Variants in NRXN3 observed in about 807,000 individuals in gnomAD.
NRXN3 encodes neurexin 3, also known as neurexin III.
In NRXN3, 32 loss-of-function variants were observed where a neutral mutation model predicts 137.6. The ratio of observed to expected loss-of-function variants is 0.23; its 90% confidence interval spans 0.18 to 0.31. The LOEUF (loss-of-function observed/expected upper bound fraction) is 0.31, where lower values mean the gene tolerates loss of function less well. NRXN3 is among the 10% of genes least tolerant of loss of function. The probability of loss-of-function intolerance (pLI) is 1.00; values close to 1 mark genes in which losing one functional copy is unlikely to be tolerated. For missense variants in NRXN3, 1,574 were observed against 2,062.5 expected (o/e 0.76, Z 4.59); for synonymous variants, 798 against 784.5 (o/e 1.02, Z -0.29).
chr14:79,829,019 T>A (rs1178973982), intron 20 of NRXN3, among the ~76,000 whole-genome samples: 2 of 152,138 alleles, frequency 1.3e-5, no homozygotes, highest in Non-Finnish European at 2.9e-5. Context: ...CATTCCTTCT[T>A]CCTCACCATC....
chr14:78,991,118 T>C (rs2099517935), intron 15 of NRXN3, among the ~76,000 whole-genome samples: 1 of 151,952 alleles, frequency 6.6e-6, no homozygotes, highest in Non-Finnish European at 1.5e-5. Flanking sequence ...CAGCAAAAAG[T>C]GGTGGGGGAA....
In NRXN3 at chr14:78,967,305, A is replaced by G; in HGVS notation, c.2875A>G (p.Ile959Val). Residue 959 changes from isoleucine to valine, a missense_variant, in exon 13 of 21, where the codon ATC (isoleucine) becomes GTC (valine). By Grantham distance (29) the Ile-to-Val change is conservative. Coordinates refer to ENST00000335750, the MANE Select transcript of NRXN3 (RefSeq NM_001330195.2). Reference sequence around the variant, plus strand: ...TGACAACCAGTGGCACAATGTCGTCATCACTCGGGACAATAGTAACACTCA... The same window carrying G: ...TGACAACCAGTGGCACAATGTCGTCGTCACTCGGGACAATAGTAACACTCA... Reference protein sequence around the residue: ...LNDNQWHNVVITRDNSNTHSL... With the variant: ...LNDNQWHNVVVTRDNSNTHSL... The G allele has an allele frequency of 1.2e-6, 2 of 1,614,026 alleles. No homozygotes were observed. The highest frequency in any genetic ancestry group is 1.7e-6 in the Non-Finnish European group (2 of 1,179,992).
chr14:79,340,395 A>G (rs1002068162), intron 15 of NRXN3, among the ~76,000 whole-genome samples: 2 of 152,204 alleles, frequency 1.3e-5, no homozygotes, highest in Non-Finnish European at 2.9e-5. Flanking sequence ...AGGTTATGCC[A>G]GTTAATAAAG....
chr14:79,344,593 T>C (rs779352475), intron 15 of NRXN3, among the ~76,000 whole-genome samples: 2 of 152,204 alleles, frequency 1.3e-5, no homozygotes, highest in Non-Finnish European at 2.9e-5. Context: ...GTTATAGATC[T>C]GAAACTAATT....
At chr14:79,122,214 G>T (rs1031714249) in intron 15 of NRXN3, among the ~76,000 whole-genome samples, 1 of 152,172 alleles carries the variant, frequency 6.6e-6, no homozygotes, top group African/African-American at 2.4e-5. Context: ...TTTTCCAGGG[G>T]CTTGGGGCAC....
chr14:79,765,785 T>C (rs987552871), intron 19 of NRXN3, among the ~76,000 whole-genome samples: 3 of 152,218 alleles, frequency 2.0e-5, no homozygotes, highest in African/African-American at 7.2e-5. Context: ...TCTCTGGCGG[T>C]GTGAGACCAT....
intron 16 of NRXN3, among the ~76,000 whole-genome samples, chr14:79,509,946 T>C (rs1357023643): frequency 2.0e-5 from 3 of 152,174 alleles, no homozygotes; most frequent in African/African-American, 2.4e-5. Context: ...AGGCCTTTCA[T>C]GCAGTCAGCT....
chr14:79,201,561 C>A (rs2066013958), intron 15 of NRXN3: 1 of 152,188 alleles, frequency 6.6e-6, no homozygotes, highest in Admixed American at 6.5e-5. Flanking sequence ...AGAATGTTGA[C>A]TCTACTTTCT....
At chr14:79,738,293 G>A (rs1424023281) in intron 19 of NRXN3, among the ~76,000 whole-genome samples, 1 of 148,730 alleles carries the variant, frequency 6.7e-6, no homozygotes, top group Non-Finnish European at 1.5e-5. Flanking sequence ...ATAAGAGTGA[G>A]GCAGAGGGGG....
intron 4 of NRXN3, among the ~76,000 whole-genome samples, chr14:78,633,671 CA>C (rs1173024385): frequency 1.3e-5 from 2 of 152,102 alleles, no homozygotes; most frequent in Non-Finnish European, 2.9e-5. Flanking sequence ...AGACATAGCC[CA>C]GGTTTCTAGG....
chr14:79,278,820 G>T (rs529845603), intron 15 of NRXN3, among the ~76,000 whole-genome samples: 47 of 152,268 alleles, frequency 3.1e-4, no homozygotes, highest in African/African-American at 1.1e-3. Flanking sequence ...TCGCCCTGCG[G>T]GAGGGGCCCT....
intron 1 of NRXN3, among the ~76,000 whole-genome samples, chr14:78,230,462 G>A (rs898556576): frequency 1.9e-4 from 29 of 152,094 alleles, no homozygotes; most frequent in Non-Finnish European, 3.5e-4. Context: ...GTGACATGGA[G>A]GGGTACAGTT....
chr14:78,196,788 C>A (rs541501847), intron 1 of NRXN3, among the ~76,000 whole-genome samples: 91 of 152,300 alleles, frequency 6.0e-4, no homozygotes, highest in African/African-American at 2.0e-3. Context: ...GGAGGTCCAT[C>A]TTAGTTACAC....
chr14:79,034,081 C>G (rs2099612090), intron 15 of NRXN3, among the ~76,000 whole-genome samples: 2 of 151,952 alleles, frequency 1.3e-5, no homozygotes. Flanking sequence ...CTTCAAAAAC[C>G]CCAGGGTCAC....
intron 4 of NRXN3, among the ~76,000 whole-genome samples, chr14:78,523,542 G>C (rs1445155652): frequency 6.6e-6 from 1 of 150,468 alleles, no homozygotes; most frequent in Admixed American, 6.7e-5. Context: ...GCTCACGCCT[G>C]TAATCCCAGC....
intron 16 of NRXN3, among the ~76,000 whole-genome samples, chr14:79,513,399 C>T (rs2096951868): frequency 6.6e-6 from 1 of 152,182 alleles, no homozygotes; most frequent in Non-Finnish European, 1.5e-5. Context: ...TCACCACCCA[C>T]TAAACCACCC....
At chr14:79,839,053 A>C (rs1391544629) in intron 20 of NRXN3, among the ~76,000 whole-genome samples, 1 of 152,180 alleles carries the variant, frequency 6.6e-6, no homozygotes, top group African/African-American at 2.4e-5. Flanking sequence ...TGGACAGAAA[A>C]GGACTGAAGA....
chr14:79,328,322 G>T (rs1156882375), intron 15 of NRXN3, among the ~76,000 whole-genome samples: 2 of 152,162 alleles, frequency 1.3e-5, no homozygotes, highest in Admixed American at 6.5e-5. Flanking sequence ...CTAAAGTTTT[G>T]ATTGGAACTT....
intron 16 of NRXN3, among the ~76,000 whole-genome samples, chr14:79,519,075 G>A (rs2097028829): frequency 1.3e-5 from 2 of 152,092 alleles, no homozygotes; most frequent in African/African-American, 2.4e-5. Context: ...TCTAAGGGTG[G>A]CTCAGGTGAC....
Sources: allele counts gnomAD v4.1 joint callset (sites outside exome capture counted in the v4.1 genomes callset), GRCh38; gene constraint gnomAD v4.1.1; transcripts MANE v1.5; gene names NCBI Gene and HGNC (gene_info 2026-07-23, HGNC 2026-07-21).